The following NCOA3 variants were observed in gnomAD, a reference collection of about 807,000 sequenced individuals.
The protein encoded by NCOA3 is CBP-interacting protein.
In NCOA3, 51 loss-of-function variants were observed where a neutral mutation model predicts 158.8. The observed-to-expected ratio is 0.32, with a 90% CI of 0.26 to 0.41. The LOEUF (loss-of-function observed/expected upper bound fraction) is 0.41, where lower values mean the gene tolerates loss of function less well. NCOA3 is among the 10% of genes least tolerant of loss of function. The pLI, the probability that NCOA3 is intolerant of heterozygous loss-of-function variation, is 1.00. For missense variants in NCOA3, 1,510 were observed against 1,746.6 expected (o/e 0.86, Z 2.41); for synonymous variants, 537 against 592.4 (o/e 0.91, Z 1.36).
At chr20:47,525,956 C>T (rs1189991592) in intron 1 of NCOA3, among the ~76,000 whole-genome samples, 5 of 151,490 alleles carry the variant, frequency 3.3e-5, no homozygotes, top group African/African-American at 1.2e-4. Flanking sequence ...CCCCACCTCC[C>T]TCCCGGACAA....
chr20:47,615,884 G>C (rs565862624), intron 2 of NCOA3, among the ~76,000 whole-genome samples: 18 of 152,250 alleles, frequency 1.2e-4, no homozygotes, highest in African/African-American at 4.1e-4. Context: ...GTGACGAGAC[G>C]TGGTGGCTCA....
At position 47,627,112 on chromosome 20, in the gene NCOA3, T is replaced by C; in HGVS notation, c.468T>C (p.Ser156=). 6.2e-7 allele frequency: 1 copy of C among 1,612,848 alleles called. No homozygotes were observed. Among genetic ancestry groups the C allele is most frequent in the Middle Eastern group, 1.7e-4 (1 of 6,058 alleles). The change falls in exon 6 of 23, where the codon AGT becomes AGC. Residue 156 remains serine, a synonymous_variant. Coordinates refer to ENST00000371998, the MANE Select transcript of NCOA3 (RefSeq NM_181659.3). ...QYKQEDLVNT[S]VYNILHEEDR... The stretch of plus-strand genomic sequence containing the variant: ...AGCAAGAGGACCTGGTTAACACAAG[T>C]GTTTACAATATCTTACATGAAGAAG...
intron 1 of NCOA3, among the ~76,000 whole-genome samples, chr20:47,505,978 T>C (rs1293647504): frequency 1.3e-5 from 2 of 152,054 alleles, no homozygotes; most frequent in African/African-American, 4.8e-5. Context: ...CTAATTTTTG[T>C]ATTTTTAGTA....
chr20:47,615,937 C>T (rs1322532688), intron 2 of NCOA3, among the ~76,000 whole-genome samples: 1 of 151,958 alleles, frequency 6.6e-6, no homozygotes, highest in Non-Finnish European at 1.5e-5. Flanking sequence ...GCGGGTGGAT[C>T]ACTTGAGGTC....
intron 1 of NCOA3, among the ~76,000 whole-genome samples, chr20:47,580,004 T>C (rs1051581709): frequency 6.6e-6 from 1 of 152,192 alleles, no homozygotes; most frequent in African/African-American, 2.4e-5. Context: ...CATTCGCTGT[T>C]CCTCAGTTTG....
chr20:47,547,931 A>G (rs1602384336), intron 1 of NCOA3, among the ~76,000 whole-genome samples: 1 of 150,426 alleles, frequency 6.6e-6, no homozygotes, highest in African/African-American at 2.5e-5. Flanking sequence ...GGGGTTTACC[A>G]AGTTGGCCAG....
At chr20:47,556,383 G>C (rs765515947) in intron 1 of NCOA3, among the ~76,000 whole-genome samples, 14 of 152,234 alleles carry the variant, frequency 9.2e-5, no homozygotes, top group Non-Finnish European at 1.8e-4. Context: ...GGTTAGAATT[G>C]ACTGTAGAAA....
intron 1 of NCOA3, among the ~76,000 whole-genome samples, chr20:47,506,767 T>C (rs950068618): frequency 2.3e-5 from 1 of 42,932 alleles, no homozygotes; most frequent in Non-Finnish European, 7.1e-5. Flanking sequence ...AACATCTGTG[T>C]CTTTTTTTTT....
intron 1 of NCOA3, among the ~76,000 whole-genome samples, chr20:47,513,721 C>CAA (rs140204780): frequency 2.4e-5 from 2 of 82,690 alleles, no homozygotes; most frequent in African/African-American, 8.7e-5. Context: ...GACTCTGTCT[C>CAA]AAAAAAAAAA....
chr20:47,593,286 A>G (rs868374569), intron 2 of NCOA3, among the ~76,000 whole-genome samples: 1 of 139,250 alleles, frequency 7.2e-6, no homozygotes, highest in Non-Finnish European at 1.5e-5. Flanking sequence ...GGTATCATTC[A>G]TTGTCTCGGA....
At chr20:47,576,539 GT>G (rs2085375064) in intron 1 of NCOA3, among the ~76,000 whole-genome samples, 1 of 152,072 alleles carries the variant, frequency 6.6e-6, no homozygotes, top group African/African-American at 2.4e-5. Context: ...TCAAACACCT[GT>G]TTAAAATATA....
chr20:47,538,171 C>T (rs1202108011), intron 1 of NCOA3, among the ~76,000 whole-genome samples: 4 of 152,106 alleles, frequency 2.6e-5, no homozygotes, highest in South Asian at 2.1e-4. Flanking sequence ...TGAACCACCG[C>T]GCCTGGACTA....
chr20:47,550,391 C>T (rs1415467170), intron 1 of NCOA3, among the ~76,000 whole-genome samples: 2 of 139,982 alleles, frequency 1.4e-5, no homozygotes, highest in Non-Finnish European at 3.0e-5. Flanking sequence ...TTGCTGTGAG[C>T]TGAGATCGTG....
In NCOA3 at chr20:47,651,074, G is replaced by A. The variant is rs950514525; in HGVS notation, c.3744G>A (p.Gln1248=). The change falls in exon 20 of 23, where the codon CAG becomes CAA. Residue 1248 remains glutamine, a synonymous_variant. Transcript: ENST00000371998. ...FRQQRVAMMM[Q]QQQQQQQQQQ... ...AACAGAGGGTGGCTATGATGATGCA[G>A]CAGCAGCAGCAGCAGCAACAGCAGC... 1.0e-5 allele frequency: 13 copies of A among 1,255,546 alleles called. No individual in the cohort carries two copies. The highest frequency in any genetic ancestry group is 1.4e-5 in the Non-Finnish European group (13 of 901,030). The allele number at this position is 1,255,546 out of a possible 1,614,324, so 77.8% of individuals were successfully genotyped here.
chr20:47,625,234 A>G, intron 4 of NCOA3, 147 bp from the exon 5 acceptor site: 2 of 594,424 alleles, frequency 3.4e-6, no homozygotes, highest in Non-Finnish European at 5.9e-6. Flanking sequence ...ATAATATTGT[A>G]GCATCATTCT....
At chr20:47,504,686 T>C (rs2151071) in intron 1 of NCOA3, among the ~76,000 whole-genome samples, 127,800 of 151,158 alleles carry the variant, frequency 0.85, 55,056 homozygotes, top group Non-Finnish European at 0.91. Flanking sequence ...CACCTGTAGT[T>C]CCAGCTACTC....
At chr20:47,520,301 TTC>T (rs1263254201) in intron 1 of NCOA3, among the ~76,000 whole-genome samples, 1 of 152,096 alleles carries the variant, frequency 6.6e-6, no homozygotes, top group Non-Finnish European at 1.5e-5. Context: ...GTCTCTCTCT[TTC>T]TCTCTTTGAC....
chr20:47,530,624 G>A (rs2084529724), intron 1 of NCOA3, among the ~76,000 whole-genome samples: 1 of 151,982 alleles, frequency 6.6e-6, no homozygotes, highest in Non-Finnish European at 1.5e-5. Flanking sequence ...CACCATGCCT[G>A]GCGAATTTTT....
chr20:47,573,177 T>C (rs72662711), intron 1 of NCOA3, among the ~76,000 whole-genome samples: 4,511 of 152,200 alleles, frequency 0.03, 100 homozygotes, highest in Middle Eastern at 0.071. Flanking sequence ...GGTGGGTAGA[T>C]CACCTGAGAT....
Sources: allele counts gnomAD v4.1 joint callset (sites outside exome capture counted in the v4.1 genomes callset), GRCh38; gene constraint gnomAD v4.1.1; transcripts MANE v1.5; gene names NCBI Gene and HGNC (gene_info 2026-07-23, HGNC 2026-07-21).